Variants in SAMMSON observed in about 807,000 individuals in gnomAD.
SAMMSON encodes the protein long intergenic non-protein coding RNA 1212.
intron 6 of SAMMSON, among the ~76,000 whole-genome samples, chr3:70,285,807 A>G (rs1702156200): frequency 6.6e-6 from 1 of 152,200 alleles, no homozygotes; most frequent in African/African-American, 2.4e-5. Context: ...TCTGATGTCC[A>G]GTGATGAGGA....
rs572157929 is a variant in SAMMSON, at chr3:70,342,408, T to A, written n.740-11767T>A. 3.3e-5 allele frequency among the ~76,000 whole-genome samples: 5 copies of A among 152,324 alleles called. No individual in the cohort carries two copies. In the East Asian group the frequency reaches 9.7e-4, roughly 29 times the overall value. On this transcript the variant is annotated intron_variant and non_coding_transcript_variant, in intron 7 of 9. Transcript: ENST00000642114. ...CTGTATCTTAGCATAACTGCTTAGCTGGCTTAGAATTCATGAATAATTGAT... is the reference window on the plus strand; with the variant it reads ...CTGTATCTTAGCATAACTGCTTAGCAGGCTTAGAATTCATGAATAATTGAT...
intron 4 of SAMMSON, among the ~76,000 whole-genome samples, chr3:70,230,404 G>T (rs567112067): frequency 1.3e-5 from 2 of 152,138 alleles, no homozygotes; most frequent in South Asian, 4.2e-4. Flanking sequence ...TTTGAGGGCT[G>T]GTGTCAAACG....
chr3:70,037,245 A>G (rs565269522), intron 3 of SAMMSON, among the ~76,000 whole-genome samples: 1 of 152,110 alleles, frequency 6.6e-6, no homozygotes, highest in Admixed American at 6.6e-5. Context: ...CTGGACTGCC[A>G]TTCACACTGT....
At chr3:70,307,467 A>G (rs1702413134) in intron 7 of SAMMSON, among the ~76,000 whole-genome samples, 1 of 152,118 alleles carries the variant, frequency 6.6e-6, no homozygotes, top group Admixed American at 6.6e-5. Flanking sequence ...CCTTGGCTTA[A>G]TGGGGTATTA....
intron 4 of SAMMSON, among the ~76,000 whole-genome samples, chr3:70,184,579 A>T (rs144901648): frequency 3.9e-5 from 6 of 152,164 alleles, no homozygotes; most frequent in Admixed American, 3.3e-4. Context: ...TTGGTTTCTT[A>T]TATGTTTGTT....
chr3:70,003,269 T>G (rs1466126946), intron 1 of SAMMSON, among the ~76,000 whole-genome samples: 1 of 152,094 alleles, frequency 6.6e-6, no homozygotes, highest in Non-Finnish European at 1.5e-5. Flanking sequence ...TTGTTTTGTT[T>G]TGTTTTTAAA....
chr3:70,029,482 G>A (rs936023471), intron 3 of SAMMSON, among the ~76,000 whole-genome samples: 1 of 152,058 alleles, frequency 6.6e-6, no homozygotes, highest in African/African-American at 2.4e-5. Context: ...GGCGGGGCGT[G>A]GTAGCTCATG....
intron 4 of SAMMSON, among the ~76,000 whole-genome samples, chr3:70,190,435 A>T (rs1469119480): frequency 6.6e-6 from 1 of 152,166 alleles, no homozygotes; most frequent in Non-Finnish European, 1.5e-5. Context: ...GCTCCTTAAT[A>T]AATTGAAAGC....
intron 9 of SAMMSON, among the ~76,000 whole-genome samples, chr3:70,361,116 G>A (rs1477333371): frequency 1.3e-5 from 2 of 152,008 alleles, no homozygotes; most frequent in East Asian, 3.9e-4. Context: ...TGTAATCCTG[G>A]GTTTTCTGAC....
chr3:70,114,299 C>A (rs765728593), intron 4 of SAMMSON, among the ~76,000 whole-genome samples: 2 of 152,140 alleles, frequency 1.3e-5, no homozygotes, highest in Non-Finnish European at 1.5e-5. Flanking sequence ...TAGATTACCC[C>A]GTGTGTACAA....
At chr3:70,121,271 C>T (rs2067432062) in intron 4 of SAMMSON, among the ~76,000 whole-genome samples, 1 of 152,198 alleles carries the variant, frequency 6.6e-6, no homozygotes, top group African/African-American at 2.4e-5. Flanking sequence ...CTGTTCCTAA[C>T]AGGCCACAGA....
chr3:70,035,678 G>T (rs1440460640), intron 3 of SAMMSON, among the ~76,000 whole-genome samples: 1 of 152,110 alleles, frequency 6.6e-6, no homozygotes, highest in Non-Finnish European at 1.5e-5. Context: ...TGCTGATTCT[G>T]CATTCCAAAA....
At chr3:70,008,666 T>C (rs1323560061) in intron 1 of SAMMSON, among the ~76,000 whole-genome samples, 2 of 152,126 alleles carry the variant, frequency 1.3e-5, no homozygotes, top group Non-Finnish European at 2.9e-5. Flanking sequence ...CCAGAACTTC[T>C]AACACTATGT....
intron 4 of SAMMSON, among the ~76,000 whole-genome samples, chr3:70,240,664 A>G (rs1302193516): frequency 2.0e-5 from 3 of 152,180 alleles, no homozygotes; most frequent in East Asian, 1.9e-4. Context: ...TTATCTTTCT[A>G]TTGCTGACTA....
chr3:70,014,369 A>T (rs1195867956), intron 3 of SAMMSON: 1 of 152,078 alleles, frequency 6.6e-6, no homozygotes, highest in Non-Finnish European at 1.5e-5. Context: ...GGAAGAGGGG[A>T]TTTCAGGCAA....
chr3:70,349,979 TA>T (rs1466825147), intron 7 of SAMMSON, among the ~76,000 whole-genome samples: 2 of 152,226 alleles, frequency 1.3e-5, no homozygotes, highest in African/African-American at 4.8e-5. Context: ...AGCACTCTTC[TA>T]TTAGAAAGTC....
At chr3:70,136,148 G>A (rs536450146) in intron 4 of SAMMSON, among the ~76,000 whole-genome samples, 2 of 152,288 alleles carry the variant, frequency 1.3e-5, no homozygotes, top group South Asian at 2.1e-4. Context: ...TCTGGGGAAC[G>A]TGTGTAGTTG....
chr3:70,069,781 G>A (rs1007512586), intron 3 of SAMMSON: 2 of 152,138 alleles, frequency 1.3e-5, no homozygotes, highest in Non-Finnish European at 2.9e-5. Flanking sequence ...CCAAGGTCAT[G>A]TAGGTAATGT....
intron 4 of SAMMSON, among the ~76,000 whole-genome samples, chr3:70,218,467 C>T (rs1701434762): frequency 6.6e-6 from 1 of 152,102 alleles, no homozygotes; most frequent in Admixed American, 6.6e-5. Context: ...CAGTACTCTA[C>T]ATCCCTCTTT....
Sources: gnomAD v4.1 joint callset for allele counts (sites outside exome capture counted in the v4.1 genomes callset) on GRCh38, gnomAD v4.1.1 for gene constraint, MANE v1.5 for transcripts, NCBI Gene and HGNC (gene_info 2026-07-23, HGNC 2026-07-21) for gene names.